Variants in SMARCC2 observed in about 807,000 individuals in gnomAD.
SMARCC2 encodes the protein SWI/SNF complex subunit SMARCC2.
Under a neutral mutation model 151.3 loss-of-function variants are expected in SMARCC2, and 15 were observed. The observed-to-expected ratio is 0.10, with a 90% CI of 0.07 to 0.15. The LOEUF (loss-of-function observed/expected upper bound fraction) is 0.15, where lower values mean the gene tolerates loss of function less well. Among genes scored for constraint, SMARCC2 ranks in the 10% least tolerant of loss-of-function variants. The pLI, the probability that SMARCC2 is intolerant of heterozygous loss-of-function variation, is 1.00. For synonymous variants in SMARCC2, 590 were observed against 609.5 expected (o/e 0.97, Z 0.47); for missense variants, 1,031 against 1,599.7 (o/e 0.64, Z 6.06).
At chr12:56,173,154 GTTCCC>G in intron 17 of SMARCC2, 125 bp from the exon 18 acceptor site, 1 of 727,056 alleles carries the variant, frequency 1.4e-6, no homozygotes, top group Non-Finnish European at 2.4e-6. Flanking sequence ...ACTGTTCCAT[GTTCCC>G]TTCATGATTA....
In SMARCC2 at chr12:56,172,719, A is replaced by C; in HGVS notation, c.1744-15T>G. On this transcript the variant is annotated splice_polypyrimidine_tract_variant and intron_variant, in intron 18 of 28. Coordinates refer to ENST00000550164, the MANE Select transcript of SMARCC2 (RefSeq NM_001330288.2). ...GCAGAGGTCTGCTATTTGTGGAGGG[A>C]AAGAAACAGGTGAGTACAAGTGACC... The C allele has an allele frequency of 1.2e-6, 2 of 1,613,778 alleles. No homozygotes were observed. The highest frequency in any genetic ancestry group is 1.7e-6 in the Non-Finnish European group (2 of 1,179,984).
chr12:56,187,150 C>T, intron 2 of SMARCC2, 37 bp downstream of exon 2: 1 of 1,580,100 alleles, frequency 6.3e-7, no homozygotes, highest in South Asian at 1.1e-5. Flanking sequence ...GATTCACCAC[C>T]ACCACCCCCC....
chr12:56,184,672 G>A, intron 5 of SMARCC2, 172 bp downstream of exon 5: 1 of 598,306 alleles, frequency 1.7e-6, no homozygotes, highest in Non-Finnish European at 3.0e-6. Context: ...TGAAAAATGG[G>A]AGAAGCAGAC....
At position 56,171,664 on chromosome 12, in the gene SMARCC2, A is replaced by C. The variant is rs1482347252; in HGVS notation, c.2185+15T>G. ...CAAACTAAGAAGGCCAGGTGGAACC[A>C]CCCACCCCCATTACCTAGGGCTGAC... is the stretch of plus-strand genomic sequence containing the variant. On this transcript the variant is annotated intron_variant, in intron 21 of 28. Coordinates refer to ENST00000550164, the MANE Select transcript of SMARCC2 (RefSeq NM_001330288.2). This position sits in a 1 kb window ranked among gnomAD's most constrained non-coding sequence, Gnocchi z 4.2. The C allele has an allele frequency of 3.9e-6, 6 of 1,530,626 alleles. No individual in the cohort carries two copies. The highest frequency in any genetic ancestry group is 5.3e-6 in the Non-Finnish European group (6 of 1,141,398). 94.8% of individuals were successfully genotyped at this position (1,530,626 alleles called of 1,614,324 possible). A position where few individuals can be genotyped will look rare whatever the true frequency, so the allele number is the denominator to read the frequency against.
chr12:56,188,771 C>T (rs1877771474), intron 1 of SMARCC2, among the ~76,000 whole-genome samples: 1 of 152,154 alleles, frequency 6.6e-6, no homozygotes, highest in Non-Finnish European at 1.5e-5. Context: ...CTGAGAGATT[C>T]TGTTGCCCCT....
rs575868744 is a variant in SMARCC2, at chr12:56,182,201, A to G, written c.633-122T>C. 2.6e-4 allele frequency: 164 copies of G among 619,982 alleles called. 2 individuals carry two copies. Among genetic ancestry groups the G allele is most frequent in the African/African-American group, 2.5e-3 (136 of 53,370 alleles). The allele number at this position is 619,982 out of a possible 1,614,324, so 38.4% of individuals were successfully genotyped here. On this transcript the variant is annotated intron_variant, in intron 7 of 28. Transcript: ENST00000550164. ...TGGGTTCTTGGCTTATTTTTTTTGT[A>G]TTCTATTCATTATAAAGTAGTAAAA...
rs773759394 is a variant in SMARCC2 at position 56,169,607 on chromosome 12, C to T, written c.2637G>A (p.Lys879=). Residue 879 remains lysine (K), a synonymous_variant, in exon 25 of 29, where the codon AAG becomes AAA. Transcript: ENST00000550164. ...VVESEGERKT[K]VERDIGEGNL... ...TGCCCTCGCCAATGTCCCGCTCCACCTTTGTCTTCCTTTCCCCCTCAGACT... is the reference window on the plus strand; with the variant it reads ...TGCCCTCGCCAATGTCCCGCTCCACTTTTGTCTTCCTTTCCCCCTCAGACT... The T allele has an allele frequency of 2.5e-6, 4 of 1,614,030 alleles. No homozygotes were observed. The highest frequency in any genetic ancestry group is 3.4e-6 in the Non-Finnish European group (4 of 1,179,968).
intron 26 of SMARCC2, 46 bp from the exon 27 acceptor site, chr12:56,165,745 C>T: frequency 6.3e-7 from 1 of 1,582,008 alleles, no homozygotes; most frequent in Non-Finnish European, 8.6e-7. Flanking sequence ...CAGCAGATCC[C>T]AAAGGCAAAT....
Position 56,174,760 on chromosome 12 carries a change from G to A in SMARCC2, c.1387C>T (p.Leu463=). Residue 463 remains leucine, a synonymous_variant, in exon 16 of 29, where the codon CTG becomes TTG. Coordinates refer to ENST00000550164, the MANE Select transcript of SMARCC2 (RefSeq NM_001330288.2). The stretch of plus-strand genomic sequence containing the variant: ...TCAATCATAAAGTTTCGATAGGCCA[G>A]GTAGCTTAGAAGAAAGAGAGAGAGA... ...KNKSKTPEIY[L]AYRNFMIDTY... The A allele has an allele frequency of 6.3e-7, 1 of 1,596,884 alleles. No homozygotes were observed. Among genetic ancestry groups the A allele is most frequent in the Non-Finnish European group, 8.6e-7 (1 of 1,164,688 alleles).
chr12:56,170,724 C>CTTTTT (rs36061638), intron 22 of SMARCC2, among the ~76,000 whole-genome samples: 5 of 90,908 alleles, frequency 5.5e-5, no homozygotes, highest in Non-Finnish European at 1.1e-4. Flanking sequence ...CTTCACAAGA[C>CTTTTT]TTTTTTTTTT....
chr12:56,187,536 G>C (rs1233758150), intron 1 of SMARCC2, among the ~76,000 whole-genome samples: 3 of 152,136 alleles, frequency 2.0e-5, no homozygotes, highest in Non-Finnish European at 4.4e-5. Context: ...GGGGGAACAG[G>C]GAAGCTTACT....
In SMARCC2 at chr12:56,172,939, G is replaced by T; in HGVS notation, c.1741C>A (p.Leu581Met). The T allele has an allele frequency of 6.2e-7, 1 of 1,613,220 alleles. No homozygotes were observed. Among genetic ancestry groups the T allele is most frequent in the Non-Finnish European group, 8.5e-7 (1 of 1,179,984 alleles). ...AGCAGGGTCTGCACCCCACCTACCA[G>T]CTCTGGCTTGCCCTTAGCCGTCTCT... ...VPETAKGKPE[L>M]QTSASQQMLN... Residue 581 changes from leucine (L) to methionine (M), a missense_variant and splice_region_variant, in exon 18 of 29, where the codon CTG (leucine) becomes ATG (methionine). Leu to Met is a conservative substitution (Grantham distance 15). Around this residue, in one of 12 missense-constraint regions of SMARCC2, gnomAD observed 99 missense variants for 148.3 expected, o/e 0.67. Coordinates refer to ENST00000550164, the MANE Select transcript of SMARCC2 (RefSeq NM_001330288.2).
chr12:56,181,074 C>G lies in SMARCC2; in HGVS notation c.984G>C (p.Lys328Asn). ...KGPSTPYTKS[K>N]RGHREEEQED... is the part of the protein sequence containing the mutation. ...CTTGCTCCTCTTCTCTGTGGCCACG[C>G]TTTGACTTAGTGTAAGGTGTTGAGG... Residue 328 changes from lysine to asparagine, a missense_variant, in exon 11 of 29, where the codon AAG becomes AAC. By Grantham distance (94) the Lys-to-Asn change is moderately conservative. Around this residue, in one of 12 missense-constraint regions of SMARCC2, gnomAD observed 127 missense variants for 141.7 expected, o/e 0.90. Transcript: ENST00000550164. 1 of 1,613,848 alleles carries G rather than the reference C, an allele frequency of 6.2e-7. No individual in the cohort carries two copies. Among genetic ancestry groups the G allele is most frequent in the Non-Finnish European group, 8.5e-7 (1 of 1,179,926 alleles).
At chr12:56,164,206 A>C (rs1872332643) in intron 28 of SMARCC2, 97 bp downstream of exon 28, 2 of 1,088,166 alleles carry the variant, frequency 1.8e-6, no homozygotes, top group Admixed American at 5.3e-5. Flanking sequence ...AGGATTGTGG[A>C]AACTCTAATA....
chr12:56,179,423 A>G (rs867620079), intron 11 of SMARCC2, among the ~76,000 whole-genome samples: 4 of 152,298 alleles, frequency 2.6e-5, no homozygotes, highest in African/African-American at 9.6e-5. Context: ...ACTTTCCTCA[A>G]CTGAATTCAT....
rs1467184506 is a variant in SMARCC2, at chr12:56,165,571, T to G, written c.2979A>C (p.Pro993=). ...QQMHQQQQQP[P]PALPPGSQPI... ...GCTGGGAGCCTGGGGGCAGGGCTGG[T>G]GGTGGCTGCTGCTGCTGTTGGTGCA... Residue 993 remains proline, a synonymous_variant, in exon 27 of 29, where the codon CCA becomes CCC. Coordinates refer to ENST00000550164, the MANE Select transcript of SMARCC2 (RefSeq NM_001330288.2). 1 of 1,613,272 alleles carries G rather than the reference T, an allele frequency of 6.2e-7. No individual in the cohort carries two copies. Among genetic ancestry groups the G allele is most frequent in the Non-Finnish European group, 8.5e-7 (1 of 1,179,972 alleles).
At chr12:56,182,565 C>T (rs1361270837) in intron 7 of SMARCC2, among the ~76,000 whole-genome samples, 3 of 151,420 alleles carry the variant, frequency 2.0e-5, no homozygotes, top group African/African-American at 7.3e-5. Context: ...CCTCGTGATC[C>T]ACCCACCTCG....
At position 56,173,782 on chromosome 12, in the gene SMARCC2, G is replaced by A; in HGVS notation, c.1564C>T (p.Pro522Ser). The A allele has an allele frequency of 6.2e-7, 1 of 1,613,994 alleles. No homozygotes were observed. Among genetic ancestry groups the A allele is most frequent in the Middle Eastern group, 1.7e-4 (1 of 6,060 alleles). The change falls in exon 17 of 29, where the codon CCA becomes TCA. Residue 522 changes from proline to serine, a missense_variant. Transcript: ENST00000550164. Reference sequence around the variant, plus strand: ...TGAGAGGTAGGCGGAGGCCCCATTGGGGTTGGTCGACTCTCAGCATCCACC... The same window carrying A: ...TGAGAGGTAGGCGGAGGCCCCATTGAGGTTGGTCGACTCTCAGCATCCACC... ...YQVDAESRPT[P>S]MGPPPTSHFH...
At chr12:56,169,032 G>A (rs144696622) in intron 25 of SMARCC2, among the ~76,000 whole-genome samples, 121 of 152,180 alleles carry the variant, frequency 8.0e-4, no homozygotes, top group African/African-American at 2.7e-3. Context: ...GGTGGCTCAC[G>A]CCTGTAATTC....
Sources: allele counts gnomAD v4.1 joint callset (sites outside exome capture counted in the v4.1 genomes callset), GRCh38; gene constraint gnomAD v4.1.1; regional missense constraint gnomAD v4.1.1; non-coding constraint Gnocchi (gnomAD v3.1); transcripts MANE v1.5; gene names NCBI Gene and HGNC (gene_info 2026-07-23, HGNC 2026-07-21).